GATAD2A: variants seen among roughly 807,000 people sequenced by gnomAD.
GATAD2A encodes the protein transcriptional repressor p66-alpha.
GATAD2A carries 12 observed loss-of-function variants against 68.5 expected under a neutral mutation model. The ratio of observed to expected loss-of-function variants is 0.18; its 90% CI spans 0.11 to 0.28. The LOEUF is 0.28. Among genes scored for constraint, GATAD2A ranks in the 10% least tolerant of loss-of-function variants. The pLI, the probability that GATAD2A is intolerant of heterozygous loss-of-function variation, is 1.00. For missense variants in GATAD2A, 755 were observed against 868.5 expected, an observed-to-expected ratio of 0.87 and a Z score of 1.64; for synonymous variants, 410 against 375.3, an observed-to-expected ratio of 1.09 and a Z score of -1.07.
chr19:19,434,069 G>A (rs904173030), intron 1 of GATAD2A, among the ~76,000 whole-genome samples: 4 of 152,154 alleles, frequency 2.6e-5, no homozygotes, highest in African/African-American at 7.2e-5. Flanking sequence ...CACTGTGCCC[G>A]GCCTTCTTTC....
In GATAD2A at chr19:19,413,865, G is replaced by A. The variant is rs1350818968; in HGVS notation, c.-7+7846G>A. On this transcript the variant is annotated intron_variant, in intron 1 of 11. Coordinates refer to ENST00000683918, the MANE Select transcript of GATAD2A (RefSeq NM_001384528.1). The stretch of plus-strand genomic sequence containing the variant: ...CTCCCAAAGTACTGGGATTACAGGT[G>A]TAAACCACCGTGCCTGGCTGTGTTT... Among the ~76,000 whole-genome samples the A allele has an allele frequency of 2.0e-5, 3 of 152,180 alleles. No individual in the cohort carries two copies. In the East Asian group the frequency reaches 5.8e-4, roughly 29 times the overall value.
intron 1 of GATAD2A, among the ~76,000 whole-genome samples, chr19:19,389,995 C>T (rs2048729486): frequency 6.6e-6 from 1 of 152,170 alleles, no homozygotes; most frequent in African/African-American, 2.4e-5. Flanking sequence ...AACTCCTGAG[C>T]TCAAGTGATC....
In GATAD2A at chr19:19,454,154, C is replaced by A. The variant is rs539083468; in HGVS notation, c.-6-11186C>A. Among the ~76,000 whole-genome samples the A allele has an allele frequency of 7.9e-5, 12 of 151,740 alleles. No individual in the cohort carries two copies. The South Asian group carries it at 8.3e-4, about 11-fold the overall frequency. ...CCGGGAGTATAGGTATGCGCCACCACGCCTGGCTAACTTTGTATTTTTAGT... is the reference window on the plus strand; with the variant it reads ...CCGGGAGTATAGGTATGCGCCACCAAGCCTGGCTAACTTTGTATTTTTAGT... On this transcript the variant is annotated intron_variant, in intron 1 of 11. Coordinates refer to ENST00000683918, the MANE Select transcript of GATAD2A (RefSeq NM_001384528.1).
chr19:19,445,674 A>G (rs1452703103), intron 1 of GATAD2A, among the ~76,000 whole-genome samples: 1 of 152,168 alleles, frequency 6.6e-6, no homozygotes, highest in African/African-American at 2.4e-5. Context: ...ATCATGCAAT[A>G]TGTGGCCTTT....
At chr19:19,497,338 C>T (rs780441445) in intron 7 of GATAD2A, among the ~76,000 whole-genome samples, 4 of 152,352 alleles carry the variant, frequency 2.6e-5, no homozygotes, top group South Asian at 2.1e-4. Flanking sequence ...TTAAGTGATC[C>T]GCCCGACTTG....
At chr19:19,429,062 G>C (rs1463527917) in intron 1 of GATAD2A, among the ~76,000 whole-genome samples, 1 of 147,738 alleles carries the variant, frequency 6.8e-6, no homozygotes, top group Non-Finnish European at 1.5e-5. Context: ...GAAACCTCTT[G>C]GTTGGGTCCT....
At chr19:19,419,293 A>G (rs2052042477) in intron 1 of GATAD2A, among the ~76,000 whole-genome samples, 1 of 152,162 alleles carries the variant, frequency 6.6e-6, no homozygotes, top group Non-Finnish European at 1.5e-5. Flanking sequence ...CAGGCCGGGT[A>G]GTATTTGTCG....
At chr19:19,494,185 G>A (rs564978630) in intron 4 of GATAD2A, 109 bp from the exon 5 acceptor site, 2 of 618,484 alleles carry the variant, frequency 3.2e-6, no homozygotes, top group Admixed American at 2.7e-5. Flanking sequence ...ATGCCGTAGA[G>A]GAGGAAGACA....
At chr19:19,466,301 C>T (rs1311634051) in intron 2 of GATAD2A, among the ~76,000 whole-genome samples, 1 of 152,202 alleles carries the variant, frequency 6.6e-6, no homozygotes, top group Non-Finnish European at 1.5e-5. Flanking sequence ...AATTCAGACC[C>T]AGCACCTGCT....
chr19:19,409,894 G>C (rs2050719180), intron 1 of GATAD2A, among the ~76,000 whole-genome samples: 1 of 152,116 alleles, frequency 6.6e-6, no homozygotes, highest in African/African-American at 2.4e-5. Flanking sequence ...CTATATTTGT[G>C]ACCTCTTTTT....
rs553582482 is a variant in GATAD2A at position 19,495,775 on chromosome 19, G to A, written c.646G>A (p.Gly216Ser). 2.4e-5 allele frequency: 38 copies of A among 1,612,078 alleles called. No homozygotes were observed. Among genetic ancestry groups the A allele is most frequent in the East Asian group, 1.8e-4 (8 of 44,806 alleles). The change falls in exon 6 of 12, where the codon GGC (glycine) becomes AGC (serine). Residue 216 changes from glycine (G) to serine (S), a missense_variant. By Grantham distance (56) the Gly-to-Ser change is moderately conservative. Coordinates refer to ENST00000683918, the MANE Select transcript of GATAD2A (RefSeq NM_001384528.1). ...SLQTSSARMP[G>S]SVIPPPLVRG... Reference sequence around the variant, plus strand: ...GCAGACCTCTTCAGCTCGGATGCCCGGCAGTGTCATACCCCCGCCCCTGGT... The same window carrying A: ...GCAGACCTCTTCAGCTCGGATGCCCAGCAGTGTCATACCCCCGCCCCTGGT...
At chr19:19,481,071 G>C (rs577154263) in intron 2 of GATAD2A, among the ~76,000 whole-genome samples, 34 of 152,292 alleles carry the variant, frequency 2.2e-4, no homozygotes, top group Non-Finnish European at 4.4e-4. Flanking sequence ...TTCATTTGCT[G>C]TAGGGAGTCC....
intron 1 of GATAD2A, among the ~76,000 whole-genome samples, 196 bp from the exon 2 acceptor site, chr19:19,465,144 C>T (rs909185510): frequency 6.6e-6 from 1 of 152,222 alleles, no homozygotes; most frequent in East Asian, 1.9e-4. Context: ...GGGGACACCC[C>T]CCTCCTGCCT....
intron 1 of GATAD2A, among the ~76,000 whole-genome samples, chr19:19,421,642 A>G (rs893071955): frequency 5.3e-5 from 8 of 152,008 alleles, no homozygotes; most frequent in Non-Finnish European, 8.8e-5. Context: ...CAGCCACTCT[A>G]CTGTGTGCGA....
chr19:19,413,731 C>G (rs1434706418), intron 1 of GATAD2A, among the ~76,000 whole-genome samples: 1 of 152,020 alleles, frequency 6.6e-6, no homozygotes. Context: ...ATTACAGACA[C>G]CCATAACTTT....
chr19:19,504,345 G>A (rs2060740994), intron 11 of GATAD2A, among the ~76,000 whole-genome samples: 1 of 152,196 alleles, frequency 6.6e-6, no homozygotes, highest in African/African-American at 2.4e-5. Context: ...AAAAGACTGT[G>A]GCAATGGCTT....
intron 2 of GATAD2A, among the ~76,000 whole-genome samples, chr19:19,475,176 T>C (rs2058591220): frequency 6.6e-6 from 1 of 152,180 alleles, no homozygotes. Context: ...CGGCCGGCTG[T>C]CTACAGGAAT....
intron 1 of GATAD2A, among the ~76,000 whole-genome samples, chr19:19,450,648 G>T (rs184214199): frequency 1.3e-5 from 2 of 151,714 alleles, no homozygotes; most frequent in Admixed American, 6.6e-5. Context: ...AGGTGCTGGG[G>T]GGTATGTGGG....
Position 19,460,278 on chromosome 19 carries a change from A to T in GATAD2A, c.-6-5062A>T, listed in dbSNP as rs549810287. On this transcript the variant is annotated intron_variant, in intron 1 of 11. Coordinates refer to ENST00000683918, the MANE Select transcript of GATAD2A (RefSeq NM_001384528.1). Reference sequence around the variant, plus strand: ...ACAGGGGTTCTGGGTCCAGAGGCCCATCTGTGCTGTGCATCAATCTGTGTG... The same window carrying T: ...ACAGGGGTTCTGGGTCCAGAGGCCCTTCTGTGCTGTGCATCAATCTGTGTG... Among the ~76,000 whole-genome samples the T allele has an allele frequency of 1.2e-3, 182 of 152,280 alleles. No individual in the cohort carries two copies. The Middle Eastern group carries it at 0.014, about 11-fold the overall frequency.
Sources: allele counts gnomAD v4.1 joint callset (sites outside exome capture counted in the v4.1 genomes callset), GRCh38; gene constraint gnomAD v4.1.1; transcripts MANE v1.5; gene names NCBI Gene and HGNC (gene_info 2026-07-23, HGNC 2026-07-21).